FYN: variants seen among roughly 807,000 people sequenced by gnomAD.
FYN encodes the protein tyrosine-protein kinase Fyn.
In FYN, 10 loss-of-function variants were observed where a neutral mutation model predicts 70.2. That is an observed-to-expected ratio of 0.14 (90% CI 0.09 to 0.24). FYN has a LOEUF of 0.24. Ranked by LOEUF, FYN falls within the 10% of genes least tolerant of loss-of-function variation. The pLI, the probability that FYN is intolerant of heterozygous loss-of-function variation, is 1.00. For synonymous variants in FYN, 236 were observed against 248.6 expected (o/e 0.95, Z 0.48); for missense variants, 319 against 673.1 (o/e 0.47, Z 5.82).
intron 13 of FYN, among the ~76,000 whole-genome samples, chr6:111,665,203 C>A (rs1797938534): frequency 6.6e-6 from 1 of 152,056 alleles, no homozygotes; most frequent in Non-Finnish European, 1.5e-5. Context: ...GTTGAGCATT[C>A]CCTTTGCGTG....
intron 3 of FYN, among the ~76,000 whole-genome samples, chr6:111,734,476 C>T (rs921631578): frequency 1.3e-5 from 2 of 152,148 alleles, no homozygotes; most frequent in African/African-American, 4.8e-5. Flanking sequence ...AGACCTATGT[C>T]CTCCACTTTC....
intron 5 of FYN, among the ~76,000 whole-genome samples, chr6:111,710,278 T>G (rs934757502): frequency 1.3e-5 from 2 of 152,258 alleles, no homozygotes; most frequent in Non-Finnish European, 2.9e-5. Context: ...TTTTAGGGTA[T>G]CTGAGACTGT....
At chr6:111,738,218 G>A (rs990093371) in intron 3 of FYN, among the ~76,000 whole-genome samples, 1 of 152,188 alleles carries the variant, frequency 6.6e-6, no homozygotes, top group Non-Finnish European at 1.5e-5. Flanking sequence ...CCTATCCCAT[G>A]AGCAGAACTC....
intron 2 of FYN, among the ~76,000 whole-genome samples, chr6:111,836,523 C>T (rs1477389610): frequency 4.6e-5 from 7 of 152,062 alleles, no homozygotes; most frequent in Non-Finnish European, 7.4e-5. Flanking sequence ...TCAGATCTTT[C>T]GAAGGTCAAG....
chr6:111,851,987 TG>T (rs1442713981), intron 1 of FYN, among the ~76,000 whole-genome samples: 1 of 152,112 alleles, frequency 6.6e-6, no homozygotes, highest in African/African-American at 2.4e-5. Context: ...ACGCACCATG[TG>T]GCCCAACAAA....
chr6:111,734,783 G>C (rs1801632536), intron 3 of FYN, among the ~76,000 whole-genome samples: 1 of 152,132 alleles, frequency 6.6e-6, no homozygotes, highest in Non-Finnish European at 1.5e-5. Context: ...TTGCATTTTT[G>C]TTTCTCTGCA....
chr6:111,777,703 T>C (rs1229793171), intron 3 of FYN, among the ~76,000 whole-genome samples: 2 of 152,232 alleles, frequency 1.3e-5, no homozygotes, highest in African/African-American at 4.8e-5. Flanking sequence ...TTCCTTGGCA[T>C]GGCCAGAAAA....
intron 13 of FYN, among the ~76,000 whole-genome samples, chr6:111,667,108 T>C (rs899922413): frequency 6.6e-6 from 1 of 152,230 alleles, no homozygotes; most frequent in Admixed American, 6.5e-5. Context: ...AAACTCTGAC[T>C]CTGTAGGGTT....
intron 3 of FYN, among the ~76,000 whole-genome samples, chr6:111,772,372 T>C (rs926255682): frequency 6.6e-6 from 1 of 152,126 alleles, no homozygotes. Flanking sequence ...CAGGTGAGGA[T>C]TATCCATGGT....
At chr6:111,664,717 T>C (rs1797920726) in intron 13 of FYN, among the ~76,000 whole-genome samples, 1 of 152,136 alleles carries the variant, frequency 6.6e-6, no homozygotes, top group African/African-American at 2.4e-5. Context: ...CCCTTTCCTG[T>C]CTGCACCCCT....
Position 111,707,995 on chromosome 6 carries a change from A to T in FYN, c.370T>A (p.Ser124Thr). 3.7e-6 allele frequency: 6 copies of T among 1,614,042 alleles called. No individual in the cohort carries two copies. The highest frequency in any genetic ancestry group is 4.2e-6 in the Non-Finnish European group (5 of 1,179,894). ...SSEGDWWEAR[S>T]LTTGETGYIP... ...TAACCTGTCTCTCCAGTTGTCAAGG[A>T]GCGGGCTTCCCACCAATCTCCTTCC... Residue 124 changes from serine to threonine, a missense_variant, in exon 6 of 14, where the codon TCC (serine) becomes ACC (threonine). Coordinates refer to ENST00000354650, the MANE Select transcript of FYN (RefSeq NM_002037.5).
chr6:111,786,250 C>T (rs1771376807), intron 2 of FYN, among the ~76,000 whole-genome samples: 1 of 152,048 alleles, frequency 6.6e-6, no homozygotes, highest in Admixed American at 6.6e-5. Context: ...TGATGTTCCC[C>T]TTCCTGTGTC....
chr6:111,778,686 G>A (rs1771047804), intron 3 of FYN, among the ~76,000 whole-genome samples: 1 of 151,524 alleles, frequency 6.6e-6, no homozygotes, highest in Admixed American at 6.6e-5. Context: ...AGTAGAGATG[G>A]GGTTTTATCA....
intron 3 of FYN, among the ~76,000 whole-genome samples, chr6:111,727,515 C>T (rs937937728): frequency 2.4e-4 from 37 of 152,070 alleles, no homozygotes; most frequent in African/African-American, 8.9e-4. Context: ...GAGCCCCTCG[C>T]CAAATGCAAG....
At chr6:111,692,037 C>T (rs1476398085) in intron 12 of FYN, among the ~76,000 whole-genome samples, 1 of 152,014 alleles carries the variant, frequency 6.6e-6, no homozygotes, top group African/African-American at 2.4e-5. Flanking sequence ...TACCCCTCTG[C>T]TGCAGGACAG....
chr6:111,707,892 G>A, intron 6 of FYN, 30 bp downstream of exon 6: 8 of 1,512,616 alleles, frequency 5.3e-6, no homozygotes, highest in Non-Finnish European at 7.4e-6. Context: ...TTAAAATCAA[G>A]TAGTTAAGTG....
intron 6 of FYN, among the ~76,000 whole-genome samples, chr6:111,706,872 A>G (rs1800114499): frequency 6.6e-6 from 1 of 152,220 alleles, no homozygotes; most frequent in Admixed American, 6.5e-5. Context: ...AAATACCTTG[A>G]TTCACTGATG....
intron 13 of FYN, among the ~76,000 whole-genome samples, chr6:111,663,916 C>T (rs775004670): frequency 2.6e-5 from 4 of 151,980 alleles, no homozygotes; most frequent in Admixed American, 6.5e-5. Context: ...TAGATAAACG[C>T]GGACAGAGGC....
chr6:111,728,133 T>C (rs1801275293), intron 3 of FYN, among the ~76,000 whole-genome samples: 1 of 152,178 alleles, frequency 6.6e-6, no homozygotes, highest in Admixed American at 6.5e-5. Context: ...ATTTTCTTCT[T>C]AAATTCATTT....
Sources: gnomAD v4.1 joint callset for allele counts (sites outside exome capture counted in the v4.1 genomes callset) on GRCh38, gnomAD v4.1.1 for gene constraint, MANE v1.5 for transcripts, NCBI Gene and HGNC (gene_info 2026-07-23, HGNC 2026-07-21) for gene names.